Variants in NUCB1 observed in about 807,000 individuals in gnomAD.
NUCB1 encodes the protein nucleobindin 1, also known as nucleobindin-1.
NUCB1 carries 47 observed loss-of-function variants against 61.2 expected under a neutral mutation model. That is an observed-to-expected ratio of 0.77 (90% CI 0.61 to 0.98). The LOEUF is 0.98. Ranked by LOEUF, NUCB1 falls within the 50% of genes least tolerant of loss-of-function variation. The probability of loss-of-function intolerance (pLI) is 0.00; values close to 1 mark genes in which losing one functional copy is unlikely to be tolerated. For synonymous variants in NUCB1, 234 were observed against 243.1 expected, an observed-to-expected ratio of 0.96 and a Z score of 0.35; for missense variants, 583 against 605.3, an observed-to-expected ratio of 0.96 and a Z score of 0.39.
chr19:48,901,104 G>A, intron 2 of NUCB1, 173 bp downstream of exon 2: 1 of 748,634 alleles, frequency 1.3e-6, no homozygotes, highest in East Asian at 2.7e-5. Flanking sequence ...TGAAAAACTG[G>A]AGGTCCCTGA....
chr19:48,909,405 G>T (rs929127691), intron 4 of NUCB1, among the ~76,000 whole-genome samples: 7 of 151,538 alleles, frequency 4.6e-5, no homozygotes, highest in Non-Finnish European at 1.0e-4. Context: ...GCGCCACCAC[G>T]CCTGGATAAT....
rs757848142 is a variant in NUCB1 at position 48,913,135 on chromosome 19, C to T, written c.605C>T (p.Ala202Val). Residue 202 changes from alanine (A) to valine (V), a missense_variant, in exon 6 of 13, where the codon GCG becomes GTG. By Grantham distance (64) the Ala-to-Val change is moderately conservative. Coordinates refer to ENST00000405315, the MANE Select transcript of NUCB1 (RefSeq NM_006184.6). ...ESLGEEQRKE[A>V]ERKLEEQQRR... The stretch of plus-strand genomic sequence containing the variant: ...CTGGGAGAGGAGCAGAGAAAGGAGG[C>T]GGAGAGGAAGCTGGAAGAGCAACAG... 101 of 1,613,646 alleles carry T rather than the reference C, an allele frequency of 6.3e-5. No homozygotes were observed. The highest frequency in any genetic ancestry group is 3.7e-4 in the Admixed American group (22 of 59,888).
At chr19:48,904,321 TG>T (rs2037388662) in intron 2 of NUCB1, 25 bp from the exon 3 acceptor site, 1 of 1,488,898 alleles carries the variant, frequency 6.7e-7, no homozygotes, top group African/African-American at 1.4e-5. Context: ...GAGCAGGGGC[TG>T]CTATGTCTGT....
chr19:48,916,112 GTC>G (rs2122197655), intron 7 of NUCB1, among the ~76,000 whole-genome samples: 1 of 151,850 alleles, frequency 6.6e-6, no homozygotes, highest in South Asian at 2.1e-4. Flanking sequence ...TCTATTTTCT[GTC>G]TCTATGATTT....
intron 2 of NUCB1, among the ~76,000 whole-genome samples, chr19:48,904,003 A>G (rs796401199): frequency 8.6e-4 from 95 of 110,818 alleles, no homozygotes; most frequent in African/African-American, 3.3e-3. Flanking sequence ...ATGGGTGGGT[A>G]GGATGTATGT....
At chr19:48,910,986 G>A (rs1367521438) in intron 4 of NUCB1, 163 bp from the exon 5 acceptor site, 9 of 586,252 alleles carry the variant, frequency 1.5e-5, no homozygotes, top group South Asian at 3.9e-5. Context: ...AGACTCAGTC[G>A]TGGGATCACC....
In NUCB1 at chr19:48,916,383, C is replaced by T. The variant is rs548654712; in HGVS notation, c.758-2343C>T. Among the ~76,000 whole-genome samples, 12 of 152,110 alleles carry T rather than the reference C, an allele frequency of 7.9e-5. No individual in the cohort carries two copies. In the East Asian group the frequency reaches 1.7e-3, roughly 22 times the overall value. On this transcript the variant is annotated intron_variant, in intron 7 of 12. Transcript: ENST00000405315. The stretch of plus-strand genomic sequence containing the variant: ...CTGTAATCCCAGCACTTTGGGAGGC[C>T]GAGGTGGGTGGATCCCTTGAGTCCA...
At chr19:48,918,996 C>G (rs369639094) in intron 8 of NUCB1, 34 bp from the exon 9 acceptor site, 2 of 1,599,996 alleles carry the variant, frequency 1.3e-6, no homozygotes, top group African/African-American at 2.7e-5. Flanking sequence ...CTGGGGACCT[C>G]TCAATGCTGT....
intron 7 of NUCB1, among the ~76,000 whole-genome samples, chr19:48,916,555 G>A (rs1321104852): frequency 2.6e-5 from 4 of 151,998 alleles, no homozygotes; most frequent in Admixed American, 2.6e-4. Context: ...AGGAATTCAA[G>A]GCTGCAGTGA....
chr19:48,919,449 A>G (rs2037581723), intron 10 of NUCB1, among the ~76,000 whole-genome samples, 163 bp downstream of exon 10: 1 of 139,820 alleles, frequency 7.2e-6, no homozygotes, highest in Non-Finnish European at 1.5e-5. Context: ...TGTCTCTAGG[A>G]CTCTTATTTA....
chr19:48,920,186 C>G lies in NUCB1; in HGVS notation c.1002+900C>G, dbSNP rs923526616. Reference sequence around the variant, plus strand: ...AGCCTCCCAAAGTGCTGGGATTACCCAGGCTGGAGTGCAGGGGTGTTATCA... The same window carrying G: ...AGCCTCCCAAAGTGCTGGGATTACCGAGGCTGGAGTGCAGGGGTGTTATCA... On this transcript the variant is annotated intron_variant, in intron 10 of 12. Transcript: ENST00000405315. Among the ~76,000 whole-genome samples, 19 of 152,148 alleles carry G rather than the reference C, an allele frequency of 1.2e-4. No individual in the cohort carries two copies. The East Asian group carries it at 3.1e-3, about 25-fold the overall frequency.
chr19:48,909,567 GT>G (rs1303694584), intron 4 of NUCB1, among the ~76,000 whole-genome samples: 4 of 151,638 alleles, frequency 2.6e-5, no homozygotes, highest in African/African-American at 9.7e-5. Context: ...TTGAGACAGG[GT>G]TTCACTTCTA....
intron 2 of NUCB1, among the ~76,000 whole-genome samples, chr19:48,902,256 G>A (rs984847071): frequency 2.7e-5 from 4 of 149,686 alleles, no homozygotes; most frequent in Non-Finnish European, 5.9e-5. Context: ...GACTACAGGC[G>A]CACACCACCA....
chr19:48,912,695 G>A (rs1170778341), intron 5 of NUCB1, among the ~76,000 whole-genome samples: 1 of 150,832 alleles, frequency 6.6e-6, no homozygotes, highest in African/African-American at 2.4e-5. Context: ...AATCAGCTGG[G>A]CCTGGTGACA....
intron 5 of NUCB1, among the ~76,000 whole-genome samples, chr19:48,911,947 A>G (rs1286547548): frequency 6.6e-6 from 1 of 152,094 alleles, no homozygotes; most frequent in Non-Finnish European, 1.5e-5. Context: ...ATTTGGTCAC[A>G]AAGCAAAGCC....
chr19:48,908,721 G>GGTGTGTGTGTGTGTGTGT (rs57686025), intron 4 of NUCB1, among the ~76,000 whole-genome samples: 1 of 109,328 alleles, frequency 9.1e-6, no homozygotes, highest in African/African-American at 3.6e-5. Flanking sequence ...TTGACCAAGG[G>GGTGTGTGTGTGTGTGTGT]GTGTGTGTGT....
chr19:48,913,580 A>T lies in NUCB1; in HGVS notation c.757+16A>T, dbSNP rs2037504460. The T allele has an allele frequency of 2.5e-6, 4 of 1,600,252 alleles. No individual in the cohort carries two copies. The highest frequency in any genetic ancestry group is 3.4e-6 in the Non-Finnish European group (4 of 1,167,608). ...ATACTGCATGGTAAGGTGGGGAGGGAGTTCCAGAGCCAGGATGAACCCTAG... is the reference window on the plus strand; with the variant it reads ...ATACTGCATGGTAAGGTGGGGAGGGTGTTCCAGAGCCAGGATGAACCCTAG... On this transcript the variant is annotated intron_variant, in intron 7 of 12. Transcript: ENST00000405315.
intron 10 of NUCB1, among the ~76,000 whole-genome samples, chr19:48,920,134 C>G (rs1421547070): frequency 6.6e-6 from 1 of 151,890 alleles, no homozygotes; most frequent in Non-Finnish European, 1.5e-5. Context: ...CTCTGAAACT[C>G]CTGGACTCAA....
chr19:48,921,315 G>A lies in NUCB1; in HGVS notation c.1164G>A (p.Glu388=). ...GCCGCCTGGAGGCCCAGAAGAGAGA[G>A]CTGCAGCAGGTGACAGCGGGGGAAG... ...SQGRLEAQKR[E]LQQAVLHMEQ... The change falls in exon 11 of 13, where the codon GAG becomes GAA. Residue 388 remains glutamate, a synonymous_variant. Transcript: ENST00000405315. 1.3e-6 allele frequency: 2 copies of A among 1,586,858 alleles called. No individual in the cohort carries two copies. Among genetic ancestry groups the A allele is most frequent in the African/African-American group, 1.3e-5 (1 of 74,278 alleles).
Sources: gnomAD v4.1 joint callset for allele counts (sites outside exome capture counted in the v4.1 genomes callset) on GRCh38, gnomAD v4.1.1 for gene constraint, MANE v1.5 for transcripts, NCBI Gene and HGNC (gene_info 2026-07-23, HGNC 2026-07-21) for gene names.